Variants in PLXDC2 observed in about 807,000 individuals in gnomAD.
PLXDC2 encodes the protein plexin domain containing 2.
PLXDC2 carries 40 observed loss-of-function variants against 68.9 expected under a neutral mutation model. That is an observed-to-expected ratio of 0.58 (90% CI 0.45 to 0.76). The LOEUF is 0.76. Among genes scored for constraint, PLXDC2 ranks in the 30% least tolerant of loss-of-function variants. The probability of loss-of-function intolerance (pLI) is 0.00; values close to 1 mark genes in which losing one functional copy is unlikely to be tolerated. For missense variants in PLXDC2, 644 were observed against 661.9 expected (o/e 0.97, Z 0.30); for synonymous variants, 243 against 234.2 (o/e 1.04, Z -0.34).
At chr10:20,091,302 A>G (rs192703723) in intron 4 of PLXDC2, among the ~76,000 whole-genome samples, 41 of 152,208 alleles carry the variant, frequency 2.7e-4, no homozygotes, top group African/African-American at 9.4e-4. Context: ...CAAACCTTAA[A>G]TCTTGCTGTC....
chr10:20,150,150 C>G (rs1237551287), intron 6 of PLXDC2, among the ~76,000 whole-genome samples: 1 of 152,140 alleles, frequency 6.6e-6, no homozygotes. Flanking sequence ...TGATGCTGTA[C>G]TTTCTAAGGG....
intron 1 of PLXDC2, among the ~76,000 whole-genome samples, chr10:19,994,311 AAT>A (rs1491336112): frequency 2.1e-3 from 147 of 68,776 alleles, no homozygotes; most frequent in Non-Finnish European, 4.2e-3. Flanking sequence ...AACATGATTA[AAT>A]TTTTTTTTTT....
rs750410330 is a variant in PLXDC2, at chr10:20,176,976, A to AT, written c.884-15dup. ...GTAAGCGAGGAAAGGTTAAAAATTG[A>AT]TTTTTTTTCCTTTTTTTTCTAGATG... On this transcript the variant is annotated intron_variant, in intron 7 of 13. Transcript: ENST00000377252. The AT allele has an allele frequency of 6.8e-5, 105 of 1,534,396 alleles. 1 individual carries two copies. Among genetic ancestry groups the AT allele is most frequent in the South Asian group, 4.1e-4 (36 of 87,896 alleles).
At chr10:19,849,700 C>A (rs1837079630) in intron 1 of PLXDC2, among the ~76,000 whole-genome samples, 1 of 152,104 alleles carries the variant, frequency 6.6e-6, no homozygotes, top group East Asian at 1.9e-4. Flanking sequence ...GTCAATTAAA[C>A]CTCTTTCTTT....
intron 4 of PLXDC2, among the ~76,000 whole-genome samples, chr10:20,109,279 CA>C: frequency 6.6e-6 from 1 of 152,308 alleles, no homozygotes; most frequent in South Asian, 2.1e-4. Context: ...CACATTGTCT[CA>C]ATGACACACT....
At chr10:19,941,990 A>G (rs1014764955) in intron 1 of PLXDC2, among the ~76,000 whole-genome samples, 21 of 151,274 alleles carry the variant, frequency 1.4e-4, no homozygotes, top group East Asian at 1.2e-3. Context: ...AAAAAAAAAA[A>G]GAACTTTGGT....
intron 2 of PLXDC2, among the ~76,000 whole-genome samples, chr10:20,007,124 G>A (rs1198158739): frequency 6.6e-6 from 1 of 152,228 alleles, no homozygotes; most frequent in African/African-American, 2.4e-5. Flanking sequence ...ATTTGGCCTT[G>A]TTGGAGCAGC....
chr10:20,070,144 G>T (rs1836291066), intron 4 of PLXDC2, among the ~76,000 whole-genome samples: 1 of 152,186 alleles, frequency 6.6e-6, no homozygotes, highest in Non-Finnish European at 1.5e-5. Flanking sequence ...GGCATGTTAA[G>T]ATTGGAAAAG....
chr10:19,985,348 T>G (rs1834618671), intron 1 of PLXDC2, among the ~76,000 whole-genome samples: 1 of 152,234 alleles, frequency 6.6e-6, no homozygotes. Context: ...AATCAGGTTA[T>G]TTTTGCTCTT....
chr10:20,175,059 G>A (rs1420125717), intron 7 of PLXDC2, among the ~76,000 whole-genome samples: 2 of 152,092 alleles, frequency 1.3e-5, no homozygotes, highest in Non-Finnish European at 2.9e-5. Flanking sequence ...TTCCAGGATT[G>A]TAGTGTGATT....
At chr10:19,899,205 A>T (rs1033017110) in intron 1 of PLXDC2, among the ~76,000 whole-genome samples, 1 of 152,118 alleles carries the variant, frequency 6.6e-6, no homozygotes, top group African/African-American at 2.4e-5. Context: ...CTCTCAGACC[A>T]GTTGTTTATC....
intron 4 of PLXDC2, among the ~76,000 whole-genome samples, chr10:20,143,051 A>G (rs139672414): frequency 2.0e-4 from 30 of 152,124 alleles, no homozygotes; most frequent in Middle Eastern, 3.4e-3. Context: ...TTTCCCCCCA[A>G]TTAAAATTGT....
At chr10:20,133,234 G>A (rs1443925259) in intron 4 of PLXDC2, among the ~76,000 whole-genome samples, 2 of 152,042 alleles carry the variant, frequency 1.3e-5, no homozygotes, top group African/African-American at 2.4e-5. Context: ...TTAAAAGTGA[G>A]TTGTGGAGCA....
At chr10:20,109,652 A>G (rs1833533269) in intron 4 of PLXDC2, among the ~76,000 whole-genome samples, 1 of 152,188 alleles carries the variant, frequency 6.6e-6, no homozygotes, top group African/African-American at 2.4e-5. Context: ...CTTCTCTCAC[A>G]TAGAAGATAA....
chr10:19,900,648 T>C (rs1307021475), intron 1 of PLXDC2, among the ~76,000 whole-genome samples: 1 of 152,016 alleles, frequency 6.6e-6, no homozygotes, highest in Non-Finnish European at 1.5e-5. Flanking sequence ...GTAGGTGGTA[T>C]TTGGTTACAT....
chr10:20,058,465 C>G (rs1189753190), intron 3 of PLXDC2, among the ~76,000 whole-genome samples: 1 of 152,122 alleles, frequency 6.6e-6, no homozygotes, highest in Non-Finnish European at 1.5e-5. Flanking sequence ...CAGCACTTAC[C>G]TCCTAAGGTT....
At chr10:19,832,351 G>A (rs1836709811) in intron 1 of PLXDC2, among the ~76,000 whole-genome samples, 1 of 152,074 alleles carries the variant, frequency 6.6e-6, no homozygotes, top group African/African-American at 2.4e-5. Flanking sequence ...TAACTCATCA[G>A]TAATTAAAAA....
intron 4 of PLXDC2, among the ~76,000 whole-genome samples, chr10:20,117,191 A>C (rs1833633872): frequency 6.6e-6 from 1 of 152,186 alleles, no homozygotes; most frequent in Non-Finnish European, 1.5e-5. Flanking sequence ...AAAAGAGCTA[A>C]ATAAATCAAA....
At chr10:20,218,952 A>G in intron 11 of PLXDC2, 112 bp from the exon 12 acceptor site, 1 of 1,140,068 alleles carries the variant, frequency 8.8e-7, no homozygotes, top group Admixed American at 2.8e-5. Context: ...AAATTATCAA[A>G]ATCTAGTCAT....
Sources: gnomAD v4.1 joint callset for allele counts (sites outside exome capture counted in the v4.1 genomes callset) on GRCh38, gnomAD v4.1.1 for gene constraint, MANE v1.5 for transcripts, NCBI Gene and HGNC (gene_info 2026-07-23, HGNC 2026-07-21) for gene names.